Variants in TBC1D21 observed in about 807,000 individuals in gnomAD.
TBC1D21 encodes the protein TBC1 domain family member 21.
Under a neutral mutation model 46.0 loss-of-function variants are expected in TBC1D21, and 38 were observed. That is an observed-to-expected ratio of 0.83 (90% CI 0.64 to 1.08). The LOEUF is 1.08. Ranked by LOEUF, TBC1D21 falls within the 50% of genes least tolerant of loss-of-function variation. TBC1D21 has a pLI of 0.00. For missense variants in TBC1D21, 415 were observed against 417.9 expected (o/e 0.99, Z 0.06); for synonymous variants, 151 against 157.2 (o/e 0.96, Z 0.29).
chr15:73,883,940 T>A (rs756574541), intron 3 of TBC1D21, among the ~76,000 whole-genome samples: 1 of 152,090 alleles, frequency 6.6e-6, no homozygotes, highest in Non-Finnish European at 1.5e-5. Flanking sequence ...GCCCAAGAAG[T>A]TAAACTGTCT....
At chr15:73,885,190 C>CT in intron 6 of TBC1D21, 87 bp downstream of exon 6, 1 of 1,197,612 alleles carries the variant, frequency 8.3e-7, no homozygotes, top group Non-Finnish European at 1.2e-6. Flanking sequence ...CAGGCATTGG[C>CT]CACCCCAGCC....
At chr15:73,897,591 C>T in the TBC1D21 span, among the ~76,000 whole-genome samples, 1 of 152,206 alleles carries the variant, frequency 6.6e-6, no homozygotes, top group Non-Finnish European at 1.5e-5. Context: ...CGCTCCTCCT[C>T]CTCCACAAGC....
rs1313263601 is a variant in TBC1D21 at position 73,881,353 on chromosome 15, C to T, written c.61-46C>T. On this transcript the variant is annotated intron_variant, in intron 1 of 10. Coordinates refer to ENST00000300504, the MANE Select transcript of TBC1D21 (RefSeq NM_153356.3). ...TATTATTTAAAATCACACTTAAAAGCCGAAGCCTTCTAACATAAGGCAGAA... is the reference window on the plus strand; with the variant it reads ...TATTATTTAAAATCACACTTAAAAGTCGAAGCCTTCTAACATAAGGCAGAA... 9.7e-6 allele frequency: 14 copies of T among 1,437,276 alleles called. No homozygotes were observed. In the Admixed American group the frequency reaches 2.3e-4, roughly 23 times the overall value. 89.0% of individuals were successfully genotyped at this position (1,437,276 alleles called of 1,614,324 possible). A position where few individuals can be genotyped will look rare whatever the true frequency, so the allele number is the denominator to read the frequency against.
At chr15:73,888,306 C>T (rs1375934350) in intron 9 of TBC1D21, 124 bp from the exon 10 acceptor site, 13 of 755,410 alleles carry the variant, frequency 1.7e-5, no homozygotes, top group South Asian at 3.4e-5. Context: ...GTCAGGTGGT[C>T]CCCAGCGACT....
At chr15:73,882,403 G>A (rs767442139) in intron 3 of TBC1D21, among the ~76,000 whole-genome samples, 3 of 152,114 alleles carry the variant, frequency 2.0e-5, no homozygotes, top group East Asian at 1.9e-4. Flanking sequence ...CACAGACCAC[G>A]TTTGCACTCC....
At chr15:73,886,368 C>T in intron 7 of TBC1D21, 144 bp from the exon 8 acceptor site, 1 of 870,308 alleles carries the variant, frequency 1.1e-6, no homozygotes, top group Non-Finnish European at 1.8e-6. Context: ...TCTAAACCAT[C>T]TCCCAGGGCA....
At chr15:73,896,069 T>A in the TBC1D21 span, among the ~76,000 whole-genome samples, 1 of 152,054 alleles carries the variant, frequency 6.6e-6, no homozygotes, top group Non-Finnish European at 1.5e-5. Context: ...AAGTTCCTGG[T>A]AATGATAGTG....
chr15:73,875,633 G>A (rs927024832), intron 1 of TBC1D21, among the ~76,000 whole-genome samples: 1 of 152,168 alleles, frequency 6.6e-6, no homozygotes, highest in Non-Finnish European at 1.5e-5. Context: ...GAATGGCCAA[G>A]GCTTCCTCAG....
intron 6 of TBC1D21, 110 bp downstream of exon 6, chr15:73,885,213 C>A: frequency 1.0e-6 from 1 of 952,980 alleles, no homozygotes. Flanking sequence ...TCCTTCCAGG[C>A]TTCTGGGTCT....
At chr15:73,889,572 G>A (rs1381758465), downstream of TBC1D21, among the ~76,000 whole-genome samples, 1 of 152,222 alleles carries the variant, frequency 6.6e-6, no homozygotes, top group Non-Finnish European at 1.5e-5. Flanking sequence ...GCTCCCCTGA[G>A]TCCTGTCACA....
the TBC1D21 span, among the ~76,000 whole-genome samples, chr15:73,899,858 C>T: frequency 1.3e-5 from 2 of 152,276 alleles, no homozygotes; most frequent in South Asian, 2.1e-4. Flanking sequence ...TAGGCAGGAA[C>T]GCAGAGCACT....
chr15:73,879,993 T>C (rs962931264), intron 1 of TBC1D21, among the ~76,000 whole-genome samples: 3 of 151,754 alleles, frequency 2.0e-5, no homozygotes, highest in Non-Finnish European at 4.4e-5. Flanking sequence ...GCCTACCGGG[T>C]TCACGTAGTT....
downstream of TBC1D21, among the ~76,000 whole-genome samples, chr15:73,893,915 A>G (rs2068356436): frequency 6.6e-6 from 1 of 152,186 alleles, no homozygotes; most frequent in South Asian, 2.1e-4. Flanking sequence ...TACCCTCACA[A>G]TTATACAGAA....
chr15:73,902,654 C>T, the TBC1D21 span, among the ~76,000 whole-genome samples: 1 of 152,242 alleles, frequency 6.6e-6, no homozygotes, highest in African/African-American at 2.4e-5. Context: ...CTCCCCTCGA[C>T]TGTGCAGTAG....
the TBC1D21 span, among the ~76,000 whole-genome samples, chr15:73,902,105 G>A: frequency 5.3e-5 from 8 of 152,162 alleles, no homozygotes; most frequent in South Asian, 4.1e-4. Context: ...ACGAGCCACC[G>A]CGCCTGGCCA....
At chr15:73,909,370 C>CAA in the TBC1D21 span, among the ~76,000 whole-genome samples, 15 of 150,904 alleles carry the variant, frequency 9.9e-5, no homozygotes, top group Middle Eastern at 3.4e-3. Flanking sequence ...GACTCCATCT[C>CAA]AAAAAAAAAT....
the TBC1D21 span, among the ~76,000 whole-genome samples, chr15:73,898,863 C>CAAAAAAAAAAAAAAAAAA: frequency 4.1e-5 from 1 of 24,110 alleles, no homozygotes; most frequent in Non-Finnish European, 8.9e-5. Context: ...GACTCCATCT[C>CAAAAAAAAAAAAAAAAAA]AAAAAAAAAA....
At chr15:73,883,916 G>C (rs1011632450) in intron 3 of TBC1D21, among the ~76,000 whole-genome samples, 2 of 152,200 alleles carry the variant, frequency 1.3e-5, no homozygotes, top group African/African-American at 4.8e-5. Context: ...CAGGTGCAGC[G>C]TTTGGAGTAC....
chr15:73,873,671 G>T lies in TBC1D21; in HGVS notation c.-39G>T. On this transcript the variant is annotated 5_prime_UTR_variant, in exon 1 of 11. Coordinates refer to ENST00000300504, the MANE Select transcript of TBC1D21 (RefSeq NM_153356.3). ...ATTAAGCATCACTAGGGCTCCAAGTGAGTTCTGATCAGAGGCTGTTCGGAA... is the reference window on the plus strand; with the variant it reads ...ATTAAGCATCACTAGGGCTCCAAGTTAGTTCTGATCAGAGGCTGTTCGGAA... The T allele has an allele frequency of 6.3e-7, 1 of 1,582,366 alleles. No homozygotes were observed. Among genetic ancestry groups the T allele is most frequent in the East Asian group, 2.3e-5 (1 of 43,242 alleles).
Sources: gnomAD v4.1 joint callset for allele counts (sites outside exome capture counted in the v4.1 genomes callset) on GRCh38, gnomAD v4.1.1 for gene constraint, MANE v1.5 for transcripts, NCBI Gene and HGNC (gene_info 2026-07-23, HGNC 2026-07-21) for gene names.